TMEM131: variants seen among roughly 807,000 people sequenced by gnomAD.
The protein encoded by TMEM131 is 2610524E03Rik.
TMEM131 carries 66 observed loss-of-function variants against 211.6 expected under a neutral mutation model. That is an observed-to-expected ratio of 0.31 (90% confidence interval 0.26 to 0.38). The LOEUF is 0.38. Ranked by LOEUF, TMEM131 falls within the 10% of genes least tolerant of loss-of-function variation. The probability of loss-of-function intolerance (pLI) is 1.00; values close to 1 mark genes in which losing one functional copy is unlikely to be tolerated. For synonymous variants in TMEM131, 844 were observed against 841.3 expected, an observed-to-expected ratio of 1.00 and a Z score of -0.06; for missense variants, 2,036 against 2,299.3, an observed-to-expected ratio of 0.89 and a Z score of 2.34.
At chr2:97,848,141 A>G (rs1182872387) in intron 5 of TMEM131, among the ~76,000 whole-genome samples, 5 of 152,232 alleles carry the variant, frequency 3.3e-5, no homozygotes, top group Non-Finnish European at 2.9e-5. Context: ...AGAGTCCAAA[A>G]CCAGACTCAC....
At chr2:97,880,137 T>C (rs780843248) in intron 4 of TMEM131, among the ~76,000 whole-genome samples, 7 of 145,290 alleles carry the variant, frequency 4.8e-5, no homozygotes, top group Middle Eastern at 7.6e-3. Flanking sequence ...AAAACTTCCA[T>C]AAAAAACTAT....
intron 5 of TMEM131, among the ~76,000 whole-genome samples, chr2:97,856,621 C>T (rs1399313098): frequency 6.6e-6 from 1 of 152,182 alleles, no homozygotes; most frequent in Non-Finnish European, 1.5e-5. Flanking sequence ...CCGAGCATGA[C>T]AAAGGCAATT....
chr2:97,807,475 A>G (rs896285217), intron 19 of TMEM131, among the ~76,000 whole-genome samples: 3 of 152,198 alleles, frequency 2.0e-5, no homozygotes, highest in Admixed American at 6.5e-5. Context: ...ATCTTTGCAC[A>G]TGCCAGCTCC....
chr2:97,832,766 T>C (rs1019611873), intron 11 of TMEM131, among the ~76,000 whole-genome samples: 6 of 152,158 alleles, frequency 3.9e-5, no homozygotes, highest in African/African-American at 1.4e-4. Context: ...AACTTAGATA[T>C]CCCTTTTTTT....
At chr2:97,942,037 G>GT (rs1426244055) in intron 1 of TMEM131, among the ~76,000 whole-genome samples, 1 of 152,102 alleles carries the variant, frequency 6.6e-6, no homozygotes, top group Non-Finnish European at 1.5e-5. Flanking sequence ...TATGTTTATT[G>GT]TGGCACTATT....
At chr2:97,893,638 A>G (rs978935532) in intron 3 of TMEM131, among the ~76,000 whole-genome samples, 2 of 152,166 alleles carry the variant, frequency 1.3e-5, no homozygotes, top group African/African-American at 4.8e-5. Flanking sequence ...TTCTCTAATG[A>G]CCAGTGATGA....
intron 4 of TMEM131, among the ~76,000 whole-genome samples, chr2:97,862,678 T>C (rs551321582): frequency 6.6e-6 from 1 of 151,356 alleles, no homozygotes; most frequent in South Asian, 2.1e-4. Context: ...TATTTGAAAA[T>C]ACAGTCAGAG....
intron 15 of TMEM131, among the ~76,000 whole-genome samples, chr2:97,812,957 A>G (rs1377170754): frequency 6.6e-6 from 1 of 151,804 alleles, no homozygotes; most frequent in African/African-American, 2.4e-5. Context: ...GCACCACTGC[A>G]CTCCAGCTTG....
intron 19 of TMEM131, among the ~76,000 whole-genome samples, chr2:97,807,441 C>A (rs935214990): frequency 1.3e-5 from 2 of 152,174 alleles, no homozygotes; most frequent in Non-Finnish European, 2.9e-5. Context: ...CCTGGCACCT[C>A]CCTCTCTTCT....
At chr2:97,802,930 C>T in intron 22 of TMEM131, 140 bp from the exon 23 acceptor site, 1 of 714,266 alleles carries the variant, frequency 1.4e-6, no homozygotes, top group Non-Finnish European at 2.2e-6. Flanking sequence ...TAATATTTTA[C>T]TATGCTTGTA....
rs772919619 is a variant in TMEM131, at chr2:97,766,548, G to T, written c.4503C>A (p.Leu1501=). Reference sequence around the variant, plus strand: ...CAGTTGGAAGAGGAATCTTGCTTGGGAGATTTCTACGTTGCTTACTTTCCA... The same window carrying T: ...CAGTTGGAAGAGGAATCTTGCTTGGTAGATTTCTACGTTGCTTACTTTCCA... ...PPLESKQRRN[L]PSKIPLPTAM... is the part of the protein sequence containing the mutation. Residue 1501 remains leucine (L), a synonymous_variant, in exon 34 of 41, where the codon CTC becomes CTA. Transcript: ENST00000186436. 1.9e-6 allele frequency: 3 copies of T among 1,613,858 alleles called. No homozygotes were observed. Among genetic ancestry groups the T allele is most frequent in the Non-Finnish European group, 2.5e-6 (3 of 1,179,866 alleles).
chr2:97,914,621 A>G (rs529356598), intron 2 of TMEM131, among the ~76,000 whole-genome samples: 1 of 152,336 alleles, frequency 6.6e-6, no homozygotes, highest in East Asian at 1.9e-4. Flanking sequence ...ATATAAATGA[A>G]ATCATGCACA....
intron 1 of TMEM131, among the ~76,000 whole-genome samples, chr2:97,931,024 T>C (rs987050730): frequency 5.3e-5 from 8 of 151,928 alleles, no homozygotes; most frequent in Admixed American, 1.3e-4. Flanking sequence ...GTATGAATTC[T>C]GGCAATGTGA....
chr2:97,942,274 A>G (rs572535154), intron 1 of TMEM131, among the ~76,000 whole-genome samples: 82 of 133,090 alleles, frequency 6.2e-4, no homozygotes, highest in East Asian at 9.2e-4. Context: ...GAACTGAACA[A>G]TGAGAACACT....
chr2:97,814,883 C>G lies in TMEM131; in HGVS notation c.1292+316G>C, dbSNP rs539447017. Among the ~76,000 whole-genome samples, 3 of 152,248 alleles carry G rather than the reference C, an allele frequency of 2.0e-5. No individual in the cohort carries two copies. In the South Asian group the frequency reaches 6.2e-4, roughly 32 times the overall value. The stretch of plus-strand genomic sequence containing the variant: ...ATACTTTAATAATAGGCCACAATCA[C>G]TTACATATTACAAACAAATGTCAGA... On this transcript the variant is annotated intron_variant, in intron 13 of 40. Coordinates refer to ENST00000186436, the MANE Select transcript of TMEM131 (RefSeq NM_015348.2).
In TMEM131 at chr2:97,759,813, A is replaced by G. The variant is rs1678724405; in HGVS notation, c.5109-64T>C. On this transcript the variant is annotated intron_variant, in intron 38 of 40. Transcript: ENST00000186436. ...TATGGTGGTTAGTGCAAACGGATCC[A>G]TAGTGCACAGCTTCACAAACAGGAG... 4 of 1,163,318 alleles carry G rather than the reference A, an allele frequency of 3.4e-6. No individual in the cohort carries two copies. In the Admixed American group the frequency reaches 5.9e-5, roughly 17 times the overall value. The allele number at this position is 1,163,318 out of a possible 1,614,324, so 72.1% of individuals were successfully genotyped here.
At chr2:97,769,968 C>T (rs1359826537) in intron 33 of TMEM131, among the ~76,000 whole-genome samples, 1 of 152,174 alleles carries the variant, frequency 6.6e-6, no homozygotes, top group Non-Finnish European at 1.5e-5. Context: ...TGGGGCTGAG[C>T]CACTCCTCTG....
intron 33 of TMEM131, among the ~76,000 whole-genome samples, 195 bp from the exon 34 acceptor site, chr2:97,766,797 C>G (rs1049348805): frequency 6.6e-6 from 1 of 152,212 alleles, no homozygotes; most frequent in Admixed American, 6.5e-5. Context: ...GCCCAGCAGA[C>G]ATTCAGCACT....
At chr2:97,968,012 T>A (rs528197316) in intron 1 of TMEM131, among the ~76,000 whole-genome samples, 45 of 152,188 alleles carry the variant, frequency 3.0e-4, no homozygotes, top group African/African-American at 9.6e-4. Flanking sequence ...CAAAATGAGT[T>A]ACTTATTCTA....
Sources: gnomAD v4.1 joint callset for allele counts (sites outside exome capture counted in the v4.1 genomes callset) on GRCh38, gnomAD v4.1.1 for gene constraint, MANE v1.5 for transcripts, NCBI Gene and HGNC (gene_info 2026-07-23, HGNC 2026-07-21) for gene names.